Variants in XPO6 observed in about 807,000 individuals in gnomAD.
XPO6 encodes exportin 6.
Under a neutral mutation model 130.0 loss-of-function variants are expected in XPO6, and 3 were observed. The observed-to-expected ratio is 0.02, with a 90% confidence interval of 0.01 to 0.06. XPO6 has a LOEUF of 0.06. Ranked by LOEUF, XPO6 falls within the 10% of genes least tolerant of loss-of-function variation. XPO6 has a pLI of 1.00. For synonymous variants in XPO6, 524 were observed against 548.9 expected, an observed-to-expected ratio of 0.95 and a Z score of 0.63; for missense variants, 970 against 1,393.0, an observed-to-expected ratio of 0.70 and a Z score of 4.83.
Position 28,181,077 on chromosome 16 carries a change from T to C in XPO6, c.4-46A>G, listed in dbSNP as rs772536375. 3 of 1,444,158 alleles carry C rather than the reference T, an allele frequency of 2.1e-6. No homozygotes were observed. In the South Asian group the frequency reaches 3.5e-5, roughly 17 times the overall value. 89.5% of individuals were successfully genotyped at this position (1,444,158 alleles called of 1,614,324 possible). On this transcript the variant is annotated intron_variant, in intron 1 of 23. Coordinates refer to ENST00000304658, the MANE Select transcript of XPO6 (RefSeq NM_015171.4). ...AAAATCAATAAGCTGCATCTTCAGT[T>C]CCACTGTTCCTCAGTTCCTTCTAGG...
At chr16:28,145,413 C>T (rs2042966053) in intron 9 of XPO6, among the ~76,000 whole-genome samples, 1 of 152,166 alleles carries the variant, frequency 6.6e-6, no homozygotes, top group African/African-American at 2.4e-5. Context: ...ATACTCTCTT[C>T]CTGCAAGCAA....
chr16:28,155,762 C>A, intron 7 of XPO6: 2 of 322,330 alleles, frequency 6.2e-6, no homozygotes, highest in Non-Finnish European at 1.0e-5. Flanking sequence ...GTCCCTGCAC[C>A]ACCTCAGACC....
At chr16:28,174,932 T>G (rs529102732) in intron 4 of XPO6, among the ~76,000 whole-genome samples, 7 of 152,264 alleles carry the variant, frequency 4.6e-5, no homozygotes, top group Middle Eastern at 3.4e-3. Flanking sequence ...AGCTTTTAGG[T>G]CCCAGTTACT....
intron 17 of XPO6, among the ~76,000 whole-genome samples, chr16:28,110,756 A>C (rs1273345276): frequency 1.3e-5 from 2 of 152,258 alleles, no homozygotes; most frequent in Non-Finnish European, 1.5e-5. Flanking sequence ...CATAAGGCTA[A>C]TGTAAGAACT....
intron 8 of XPO6, among the ~76,000 whole-genome samples, chr16:28,148,147 G>A (rs1389222285): frequency 6.6e-6 from 1 of 152,186 alleles, no homozygotes; most frequent in African/African-American, 2.4e-5. Context: ...GTGCCTTTGG[G>A]AAAGGTTACC....
At chr16:28,186,775 G>C (rs548585817) in intron 1 of XPO6, among the ~76,000 whole-genome samples, 1 of 151,304 alleles carries the variant, frequency 6.6e-6, no homozygotes, top group Non-Finnish European at 1.5e-5. Context: ...GGGCTCAGGC[G>C]ATCCTCCCCA....
intron 1 of XPO6, among the ~76,000 whole-genome samples, chr16:28,196,842 C>T (rs1180190120): frequency 6.6e-6 from 1 of 152,160 alleles, no homozygotes; most frequent in Admixed American, 6.5e-5. Context: ...CACAGATTCC[C>T]CTTCACCGTC....
In XPO6 at chr16:28,133,947, A is replaced by G; in HGVS notation, c.1444-14T>C. 6.2e-7 allele frequency: 1 copy of G among 1,613,608 alleles called. No individual in the cohort carries two copies. The highest frequency in any genetic ancestry group is 8.5e-7 in the Non-Finnish European group (1 of 1,179,778). On this transcript the variant is annotated splice_polypyrimidine_tract_variant and intron_variant, in intron 10 of 23. Coordinates refer to ENST00000304658, the MANE Select transcript of XPO6 (RefSeq NM_015171.4). ...CTCCGTCTGCTGCTGTAGGGGAAGC[A>G]CAGGAGAATCAGCTCTCCCAGAATC...
In XPO6 at chr16:28,211,518, C is replaced by T. The variant is rs1277603579; in HGVS notation, c.-150G>A. 5.2e-6 allele frequency: 5 copies of T among 958,886 alleles called. No individual in the cohort carries two copies. The Admixed American group carries it at 1.3e-4, about 25-fold the overall frequency. 59.4% of individuals were successfully genotyped at this position (958,886 alleles called of 1,614,324 possible). On this transcript the variant is annotated 5_prime_UTR_variant, in exon 1 of 24. Coordinates refer to ENST00000304658, the MANE Select transcript of XPO6 (RefSeq NM_015171.4). ...TTCCCCACCGGGCCCCGAGGGGACC[C>T]TCTAAAAAGGGCAGGGCCGCCCGGG...
intron 15 of XPO6, among the ~76,000 whole-genome samples, chr16:28,115,235 G>C (rs552699388): frequency 1.3e-5 from 2 of 152,288 alleles, no homozygotes; most frequent in South Asian, 4.1e-4. Context: ...TATTTGCCCA[G>C]ATCCACTGGA....
rs1247994851 is a variant in XPO6 at position 28,168,775 on chromosome 16, TG to T, written c.565+974del. ...CATCATCACACCCAGCTAACTTTTTTGTTTTGTTTTTTTTTTTTTCCAGAAA... is the reference window on the plus strand; with the variant it reads ...CATCATCACACCCAGCTAACTTTTTTTTTTGTTTTTTTTTTTTTCCAGAAA... On this transcript the variant is annotated intron_variant, in intron 5 of 23. Coordinates refer to ENST00000304658, the MANE Select transcript of XPO6 (RefSeq NM_015171.4). 2.5e-4 allele frequency among the ~76,000 whole-genome samples: 37 copies of T among 147,046 alleles called. 1 individual carries two copies. The highest frequency in any genetic ancestry group is 2.4e-3 in the South Asian group (11 of 4,534).
intron 1 of XPO6, chr16:28,183,454 G>C (rs952595186): frequency 1.4e-5 from 2 of 140,426 alleles, no homozygotes; most frequent in African/African-American, 5.3e-5. Flanking sequence ...AAAAAACCCA[G>C]ATGCATTTTC....
intron 16 of XPO6, among the ~76,000 whole-genome samples, 188 bp from the exon 17 acceptor site, chr16:28,112,194 T>C (rs1461652697): frequency 1.3e-5 from 2 of 152,168 alleles, no homozygotes; most frequent in African/African-American, 2.4e-5. Flanking sequence ...TGAAATGAAG[T>C]AATAGCACCA....
intron 1 of XPO6, among the ~76,000 whole-genome samples, chr16:28,182,168 A>G (rs2043627061): frequency 6.6e-6 from 1 of 152,064 alleles, no homozygotes; most frequent in Admixed American, 6.6e-5. Flanking sequence ...CTCTCCATCA[A>G]CCATGGACTG....
chr16:28,112,635 C>T (rs755936052), intron 16 of XPO6, among the ~76,000 whole-genome samples: 1 of 152,242 alleles, frequency 6.6e-6, no homozygotes, highest in Non-Finnish European at 1.5e-5. Flanking sequence ...CAACACTGGC[C>T]GAAATTACCA....
intron 17 of XPO6, among the ~76,000 whole-genome samples, chr16:28,108,514 G>A (rs1220456871): frequency 1.3e-5 from 2 of 152,184 alleles, no homozygotes; most frequent in Non-Finnish European, 2.9e-5. Context: ...TGCTAGCAGT[G>A]TGCCAGCCAT....
chr16:28,191,900 G>A (rs1046432448), intron 1 of XPO6, among the ~76,000 whole-genome samples: 3 of 152,196 alleles, frequency 2.0e-5, no homozygotes, highest in Non-Finnish European at 4.4e-5. Context: ...TGCTATTTAA[G>A]AGCAAGTCTC....
At chr16:28,187,947 A>G (rs958787460) in intron 1 of XPO6, among the ~76,000 whole-genome samples, 37 of 152,168 alleles carry the variant, frequency 2.4e-4, no homozygotes, top group African/African-American at 8.7e-4. Flanking sequence ...CTGAGACTGA[A>G]GGTGGATAAT....
chr16:28,209,971 C>T (rs111622472), intron 1 of XPO6, among the ~76,000 whole-genome samples: 6,194 of 151,662 alleles, frequency 0.041, 440 homozygotes, highest in African/African-American at 0.14. Flanking sequence ...ACCTCATCTC[C>T]ACAAAAAATT....
Sources: allele counts gnomAD v4.1 joint callset (sites outside exome capture counted in the v4.1 genomes callset), GRCh38; gene constraint gnomAD v4.1.1; transcripts MANE v1.5; gene names NCBI Gene and HGNC (gene_info 2026-07-23, HGNC 2026-07-21).